The following TMED6 variants were observed in gnomAD, a reference collection of about 807,000 sequenced individuals.
The protein encoded by TMED6 is transmembrane emp24 domain-containing protein 6.
A neutral mutation model predicts 26.5 loss-of-function variants in TMED6; 17 were observed. The ratio of observed to expected loss-of-function variants is 0.64; its 90% CI spans 0.44 to 0.96. The LOEUF is 0.96. Ranked by LOEUF, TMED6 falls within the 40% of genes least tolerant of loss-of-function variation. The pLI, the probability that TMED6 is intolerant of heterozygous loss-of-function variation, is 0.00. For missense variants in TMED6, 309 were observed against 296.5 expected, an observed-to-expected ratio of 1.04 and a Z score of -0.31; for synonymous variants, 107 against 106.2, an observed-to-expected ratio of 1.01 and a Z score of -0.04.
chr16:69,348,651 T>C (rs570952326), intron 2 of TMED6, among the ~76,000 whole-genome samples: 8 of 152,172 alleles, frequency 5.3e-5, no homozygotes, highest in African/African-American at 1.9e-4. Flanking sequence ...AGTCTCGCTC[T>C]GTTGCCCAGA....
intron 2 of TMED6, among the ~76,000 whole-genome samples, chr16:69,348,603 G>A (rs1276797961): frequency 6.6e-6 from 1 of 152,022 alleles, no homozygotes; most frequent in African/African-American, 2.4e-5. Context: ...TGGCATGTAG[G>A]GGCCAAAGAT....
intron 1 of TMED6, among the ~76,000 whole-genome samples, chr16:69,351,259 C>T (rs1432314014): frequency 4.6e-5 from 7 of 152,072 alleles, no homozygotes; most frequent in Middle Eastern, 3.2e-3. Flanking sequence ...TCCCCAAATC[C>T]GAGTACATGT....
rs573696101 is a variant in TMED6 at position 69,344,727 on chromosome 16, C to T, written c.490-1087G>A. Among the ~76,000 whole-genome samples, 4 of 145,042 alleles carry T rather than the reference C, an allele frequency of 2.8e-5. No individual in the cohort carries two copies. The South Asian group carries it at 8.8e-4, about 32-fold the overall frequency. The stretch of plus-strand genomic sequence containing the variant: ...GGCAGAGGTTGCAGGGAGCTGAGAT[C>T]GTGCCACTGTACTCCAGCCTGGCCG... On this transcript the variant is annotated intron_variant, in intron 3 of 3. Coordinates refer to ENST00000288025, the MANE Select transcript of TMED6 (RefSeq NM_144676.4).
At chr16:69,348,018 T>C in intron 2 of TMED6, 82 bp from the exon 3 acceptor site, 1 of 1,476,056 alleles carries the variant, frequency 6.8e-7, no homozygotes, top group Non-Finnish European at 9.2e-7. Context: ...TGTCCTCTAG[T>C]TTTGGAATTC....
chr16:69,350,466 AT>A (rs1397834484), intron 1 of TMED6, among the ~76,000 whole-genome samples: 5 of 151,684 alleles, frequency 3.3e-5, no homozygotes, highest in African/African-American at 1.2e-4. Flanking sequence ...AGCCCGGCTA[AT>A]TTTTGTATTT....
chr16:69,344,786 GAAAA>G (rs1180048596), intron 3 of TMED6, among the ~76,000 whole-genome samples: 3 of 141,402 alleles, frequency 2.1e-5, no homozygotes, highest in East Asian at 4.3e-4. Context: ...AAAAAAAAAA[GAAAA>G]AAAGAAAGTG....
At chr16:69,346,022 A>G (rs1476337256) in intron 3 of TMED6, among the ~76,000 whole-genome samples, 1 of 152,244 alleles carries the variant, frequency 6.6e-6, no homozygotes, top group Non-Finnish European at 1.5e-5. Flanking sequence ...TCCAAAGAAG[A>G]GAGATGGCCA....
intron 3 of TMED6, among the ~76,000 whole-genome samples, chr16:69,345,407 G>C (rs1487570229): frequency 6.6e-6 from 1 of 152,072 alleles, no homozygotes; most frequent in African/African-American, 2.4e-5. Context: ...ATTCAGGCAG[G>C]GTGCGGTGGC....
intron 1 of TMED6, 136 bp from the exon 2 acceptor site, chr16:69,349,787 G>A (rs959481248): frequency 9.1e-7 from 1 of 1,104,524 alleles, no homozygotes; most frequent in Non-Finnish European, 1.3e-6. Flanking sequence ...CCCCTGCTGG[G>A]GTTTGGAGTT....
rs766680390 is a variant in TMED6, at chr16:69,343,502, G to C, written c.628C>G (p.Leu210Val). The change falls in exon 4 of 4, where the codon CTT (leucine) becomes GTT (valine). Residue 210 changes from leucine to valine, a missense_variant. Transcript: ENST00000288025. ...AGGATCCCAGAAAGAATAATAACAA[G>C]GCTCTGGGCTGTCGACCACCAGTTC... ...YVNWWSTAQS[L>V]VIILSGILQL... 10 of 1,613,978 alleles carry C rather than the reference G, an allele frequency of 6.2e-6. No individual in the cohort carries two copies. In the Admixed American group the frequency reaches 1.3e-4, roughly 22 times the overall value.
At chr16:69,344,596 A>T (rs1390058769) in intron 3 of TMED6, among the ~76,000 whole-genome samples, 7 of 139,962 alleles carry the variant, frequency 5.0e-5, no homozygotes, top group East Asian at 2.2e-4. Flanking sequence ...AACATGGTGA[A>T]ACACCGTCTC....
rs769977305 is a variant in TMED6 at position 69,347,758 on chromosome 16, A to T, written c.489+30T>A. 7 of 1,612,298 alleles carry T rather than the reference A, an allele frequency of 4.3e-6. No individual in the cohort carries two copies. In the South Asian group the frequency reaches 5.5e-5, roughly 13 times the overall value. On this transcript the variant is annotated intron_variant, in intron 3 of 3. Coordinates refer to ENST00000288025, the MANE Select transcript of TMED6 (RefSeq NM_144676.4). Reference sequence around the variant, plus strand: ...TGAAGTTAAAAATCAGTTTCCACAGATGTTTCTCTTCCACAAAACACTTCC... The same window carrying T: ...TGAAGTTAAAAATCAGTTTCCACAGTTGTTTCTCTTCCACAAAACACTTCC...
chr16:69,347,779 CT>C lies in TMED6; in HGVS notation c.489+8del, dbSNP rs771214073. 1 of 1,613,898 alleles carries C rather than the reference CT, an allele frequency of 6.2e-7. No individual in the cohort carries two copies. Among genetic ancestry groups the C allele is most frequent in the South Asian group, 1.1e-5 (1 of 91,040 alleles). On this transcript the variant is annotated splice_region_variant and intron_variant, in intron 3 of 3. Coordinates refer to ENST00000288025, the MANE Select transcript of TMED6 (RefSeq NM_144676.4). ...ACAGATGTTTCTCTTCCACAAAACA[CT>C]TCCTTACCTCAATTGCATCCAGAGT...
chr16:69,351,573 G>A lies in TMED6; in HGVS notation c.181C>T (p.His61Tyr), dbSNP rs1439112416. The change falls in exon 1 of 4, where the codon CAC becomes TAC. Residue 61 changes from histidine (H) to tyrosine (Y), a missense_variant. By Grantham distance (83) the His-to-Tyr change is moderately conservative. Transcript: ENST00000288025. ...GGTECFWQFA[H>Y]QTGYFYFSYE... ...CTGAAATAGAAGTATCCAGTCTGGT[G>A]GGCAAATTGCCAAAAGCATTCCGTG... 1.9e-6 allele frequency: 3 copies of A among 1,613,964 alleles called. No individual in the cohort carries two copies. Among genetic ancestry groups the A allele is most frequent in the Non-Finnish European group, 1.7e-6 (2 of 1,180,032 alleles).
chr16:69,348,160 C>T, intron 2 of TMED6: 1 of 441,394 alleles, frequency 2.3e-6, no homozygotes, highest in Non-Finnish European at 4.1e-6. Context: ...CTCGTTCTTT[C>T]CATACTGGGT....
At position 69,349,748 on chromosome 16, in the gene TMED6, G is replaced by A. The variant is rs556332597; in HGVS notation, c.214-97C>T. 1.3e-4 allele frequency: 188 copies of A among 1,498,552 alleles called. No homozygotes were observed. In the African/African-American group the frequency reaches 2.0e-3, roughly 16 times the overall value. 92.8% of individuals were successfully genotyped at this position (1,498,552 alleles called of 1,614,324 possible). A position where few individuals can be genotyped will look rare whatever the true frequency, so the allele number is the denominator to read the frequency against. On this transcript the variant is annotated intron_variant, in intron 1 of 3. Transcript: ENST00000288025. ...GACGTCCCACGGTCATCAGCACAGC[G>A]GTCTCTGTCTGGGGTGGGACTGCCC... is the stretch of plus-strand genomic sequence containing the variant.
chr16:69,345,460 G>A (rs577065119), intron 3 of TMED6, among the ~76,000 whole-genome samples: 17 of 151,998 alleles, frequency 1.1e-4, no homozygotes, highest in Non-Finnish European at 1.8e-4. Context: ...GAGCTGGACA[G>A]ATCACAAGGT....
chr16:69,349,674 T>C (rs2142684179), intron 1 of TMED6, 23 bp from the exon 2 acceptor site: 2 of 1,607,722 alleles, frequency 1.2e-6, no homozygotes, highest in Middle Eastern at 1.7e-4. Context: ...ATTAAATAGG[T>C]AGCAGAACCC....
In TMED6 at chr16:69,349,644, C is replaced by T. The variant is rs145175739; in HGVS notation, c.221G>A (p.Arg74Gln). 1.1e-5 allele frequency: 17 copies of T among 1,613,386 alleles called. No homozygotes were observed. Among genetic ancestry groups the T allele is most frequent in the Admixed American group, 3.3e-5 (2 of 59,970 alleles). The change falls in exon 2 of 4, where the codon CGG becomes CAG. Residue 74 changes from arginine to glutamine, a missense_variant. Transcript: ENST00000288025. The stretch of plus-strand genomic sequence containing the variant: ...CCGGTCATGTGACATCCCCACTGTC[C>T]GCTGAACCTGCCAAGACACATTAAA... ...GYFYFSYEVQ[R>Q]TVGMSHDRHV...
Sources: gnomAD v4.1 joint callset for allele counts (sites outside exome capture counted in the v4.1 genomes callset) on GRCh38, gnomAD v4.1.1 for gene constraint, MANE v1.5 for transcripts, NCBI Gene and HGNC (gene_info 2026-07-23, HGNC 2026-07-21) for gene names.